The following STPG2 variants were observed in gnomAD, a reference collection of about 807,000 sequenced individuals.
STPG2 encodes sperm tail PG-rich repeat containing 2.
Under a neutral mutation model 54.2 loss-of-function variants are expected in STPG2, and 56 were observed. The observed-to-expected ratio is 1.03, with a 90% CI of 0.83 to 1.29. The LOEUF is 1.29. Among genes scored for constraint, STPG2 ranks in the 50% most tolerant of loss-of-function variants. STPG2 has a pLI of 0.00. For synonymous variants in STPG2, 200 were observed against 181.8 expected (o/e 1.10, Z -0.81); for missense variants, 596 against 544.9 (o/e 1.09, Z -0.93).
chr4:98,128,768 C>A (rs958996355), intron 2 of STPG2, among the ~76,000 whole-genome samples, 176 bp from the exon 3 acceptor site: 2 of 152,030 alleles, frequency 1.3e-5, no homozygotes, highest in Non-Finnish European at 2.9e-5. Context: ...CTCACTCTGT[C>A]ACCCAGGCTG....
At chr4:97,497,987 G>A (rs1162528051) in intron 4 of STPG2, among the ~76,000 whole-genome samples, 1 of 151,834 alleles carries the variant, frequency 6.6e-6, no homozygotes, top group Non-Finnish European at 1.5e-5. Context: ...CCCTGACTGT[G>A]TGCAGGAAGT....
intron 4 of STPG2, among the ~76,000 whole-genome samples, chr4:97,471,057 A>G (rs1729915111): frequency 6.6e-6 from 1 of 152,178 alleles, no homozygotes. Context: ...AGCTAGATAC[A>G]CTGGACAAAG....
chr4:97,702,911 C>T (rs1364057027), intron 10 of STPG2, among the ~76,000 whole-genome samples: 2 of 152,128 alleles, frequency 1.3e-5, no homozygotes, highest in African/African-American at 4.8e-5. Context: ...AATTTCAGGT[C>T]TTTCTCTACA....
intron 8 of STPG2, among the ~76,000 whole-genome samples, chr4:97,940,870 T>C (rs1732951053): frequency 8.0e-6 from 1 of 125,694 alleles, no homozygotes; most frequent in Non-Finnish European, 1.8e-5. Flanking sequence ...GACTTCTTCA[T>C]TAATTATTTT....
chr4:97,965,231 C>T lies in STPG2; in HGVS notation c.933+7049G>A, dbSNP rs573692155. On this transcript the variant is annotated intron_variant, in intron 7 of 10. Coordinates refer to ENST00000295268, the MANE Select transcript of STPG2 (RefSeq NM_174952.3). ...TGGGTCCCATGCCCACAGAGCCTTGCTCACTGCTAGTGCAGAAATCTGAGA... is the reference window on the plus strand; with the variant it reads ...TGGGTCCCATGCCCACAGAGCCTTGTTCACTGCTAGTGCAGAAATCTGAGA... Among the ~76,000 whole-genome samples the T allele has an allele frequency of 9.2e-5, 14 of 152,330 alleles. No individual in the cohort carries two copies. The South Asian group carries it at 2.9e-3, about 32-fold the overall frequency.
chr4:97,451,158 A>G (rs1369712297), intron 4 of STPG2, among the ~76,000 whole-genome samples: 1 of 152,142 alleles, frequency 6.6e-6, no homozygotes, highest in Non-Finnish European at 1.5e-5. Context: ...TCATAGCCAG[A>G]TATGGGGTAG....
At chr4:97,465,572 T>C (rs1433990174) in intron 4 of STPG2, among the ~76,000 whole-genome samples, 1 of 152,130 alleles carries the variant, frequency 6.6e-6, no homozygotes, top group Non-Finnish European at 1.5e-5. Context: ...CAGTATTCTC[T>C]TGTATCCATA....
chr4:97,721,785 C>T (rs1724456541), intron 9 of STPG2, among the ~76,000 whole-genome samples: 1 of 152,002 alleles, frequency 6.6e-6, no homozygotes, highest in Admixed American at 6.6e-5. Flanking sequence ...TAAAACAGAA[C>T]ATGGTACACA....
At chr4:97,618,439 AT>A (rs1733927103) in intron 10 of STPG2, among the ~76,000 whole-genome samples, 1 of 152,182 alleles carries the variant, frequency 6.6e-6, no homozygotes, top group African/African-American at 2.4e-5. Context: ...TTAAAAAAAA[AT>A]GTTTTAAGCC....
At chr4:97,859,331 T>C (rs1729432909) in intron 8 of STPG2, among the ~76,000 whole-genome samples, 2 of 152,202 alleles carry the variant, frequency 1.3e-5, no homozygotes, top group Admixed American at 1.3e-4. Flanking sequence ...TTCAAATATT[T>C]TCTCTTTTCT....
chr4:98,131,616 A>C (rs1351862728), intron 2 of STPG2, among the ~76,000 whole-genome samples: 1 of 152,186 alleles, frequency 6.6e-6, no homozygotes, highest in Non-Finnish European at 1.5e-5. Flanking sequence ...TGACAAGAGA[A>C]GGAACCACTC....
At chr4:98,099,839 C>G (rs1404306232) in intron 5 of STPG2, among the ~76,000 whole-genome samples, 4 of 151,942 alleles carry the variant, frequency 2.6e-5, no homozygotes, top group African/African-American at 9.7e-5. Context: ...AATAGCACAA[C>G]AGGGGGACTA....
At chr4:97,776,481 T>G (rs1402527068) in intron 9 of STPG2, among the ~76,000 whole-genome samples, 1 of 152,210 alleles carries the variant, frequency 6.6e-6, no homozygotes, top group African/African-American at 2.4e-5. Context: ...ACTTTAATTT[T>G]ATTAGAAATA....
intron 9 of STPG2, among the ~76,000 whole-genome samples, chr4:97,728,439 G>A (rs546955386): frequency 5.9e-5 from 9 of 152,030 alleles, no homozygotes; most frequent in East Asian, 1.9e-4. Flanking sequence ...AAAATATGAC[G>A]TAACTCGGTA....
intron 5 of STPG2, among the ~76,000 whole-genome samples, chr4:97,982,401 C>T (rs950227810): frequency 3.4e-4 from 51 of 151,596 alleles, no homozygotes; most frequent in Admixed American, 3.4e-3. Flanking sequence ...CACACACACA[C>T]ACACACACAC....
At chr4:97,800,255 G>T (rs1420841151) in intron 9 of STPG2, among the ~76,000 whole-genome samples, 3 of 152,198 alleles carry the variant, frequency 2.0e-5, no homozygotes, top group Non-Finnish European at 2.9e-5. Context: ...GAGGAGAGGT[G>T]CTCTGATTTT....
intron 4 of STPG2, among the ~76,000 whole-genome samples, chr4:97,536,984 G>C (rs572304759): frequency 6.6e-6 from 1 of 152,264 alleles, no homozygotes; most frequent in African/African-American, 2.4e-5. Flanking sequence ...TTAAGAGCTT[G>C]TGTAAATATA....
chr4:97,528,263 TCCC>T (rs1280222759), intron 4 of STPG2, among the ~76,000 whole-genome samples: 1 of 152,194 alleles, frequency 6.6e-6, no homozygotes. Context: ...GGGAATCTTT[TCCC>T]CATTGCTTGT....
At chr4:97,675,559 A>G (rs1281366794) in intron 10 of STPG2, among the ~76,000 whole-genome samples, 1 of 152,120 alleles carries the variant, frequency 6.6e-6, no homozygotes, top group African/African-American at 2.4e-5. Flanking sequence ...GGTGCCCTGC[A>G]CTGCTTTTAA....
Sources: allele counts gnomAD v4.1 joint callset (sites outside exome capture counted in the v4.1 genomes callset), GRCh38; gene constraint gnomAD v4.1.1; transcripts MANE v1.5; gene names NCBI Gene and HGNC (gene_info 2026-07-23, HGNC 2026-07-21).